Variants in ST3GAL5 observed in about 807,000 individuals in gnomAD.
ST3GAL5 encodes the protein ST3 beta-galactoside alpha-2,3-sialyltransferase 5.
In ST3GAL5, 25 loss-of-function variants were observed where a neutral mutation model predicts 46.1. The observed-to-expected ratio is 0.54, with a 90% CI of 0.40 to 0.76. ST3GAL5 has a LOEUF of 0.76. Ranked by LOEUF, ST3GAL5 falls within the 30% of genes least tolerant of loss-of-function variation. ST3GAL5 has a pLI of 0.00. For missense variants in ST3GAL5, 431 were observed against 521.2 expected, an observed-to-expected ratio of 0.83 and a Z score of 1.69; for synonymous variants, 182 against 192.7, an observed-to-expected ratio of 0.94 and a Z score of 0.46.
chr2:85,888,870 A>G lies in ST3GAL5; in HGVS notation c.36T>C (p.Arg12=), dbSNP rs2104282104. ...RTKAAGCAER[R]PLQPRTEAAA... ...CTGCCTCGGTCCGCGGCTGCAGGGGACGCCGCTCCGCGCAGCCCGCCGCCT... is the reference window on the plus strand; with the variant it reads ...CTGCCTCGGTCCGCGGCTGCAGGGGGCGCCGCTCCGCGCAGCCCGCCGCCT... The change falls in exon 1 of 7, where the codon CGT becomes CGC. Residue 12 remains arginine (R), a synonymous_variant. Transcript: ENST00000638572. 2 of 1,366,452 alleles carry G rather than the reference A, an allele frequency of 1.5e-6. No individual in the cohort carries two copies. The highest frequency in any genetic ancestry group is 1.9e-6 in the Non-Finnish European group (2 of 1,052,430). 84.6% of individuals were successfully genotyped at this position (1,366,452 alleles called of 1,614,324 possible).
intron 1 of ST3GAL5, chr2:85,867,873 G>T (rs1685453577): frequency 1.7e-6 from 1 of 589,004 alleles, no homozygotes; most frequent in Admixed American, 2.4e-5. Context: ...ACTGGGGTTA[G>T]TCAGAAGTCA....
intron 3 of ST3GAL5, chr2:85,855,844 G>A (rs1370349478): frequency 6.6e-6 from 1 of 152,196 alleles, no homozygotes; most frequent in East Asian, 1.9e-4. Flanking sequence ...GAGCACATGG[G>A]AAAGATGCTC....
intron 1 of ST3GAL5, chr2:85,888,568 G>A (rs997057621): frequency 1.9e-5 from 5 of 261,654 alleles, no homozygotes; most frequent in African/African-American, 9.0e-5. Context: ...GGCGGGACCC[G>A]ACACCCGGCG....
chr2:85,881,021 G>C (rs1687091558), intron 1 of ST3GAL5: 1 of 498,714 alleles, frequency 2.0e-6, no homozygotes, highest in African/African-American at 2.0e-5. Context: ...CGTGTTGTGG[G>C]AGGGACCCAG....
intron 1 of ST3GAL5, among the ~76,000 whole-genome samples, chr2:85,869,261 G>T (rs1024768616): frequency 2.0e-5 from 3 of 152,054 alleles, no homozygotes; most frequent in African/African-American, 7.2e-5. Flanking sequence ...GCCCAGGCTG[G>T]TCCCAAACTC....
chr2:85,848,207 G>A lies in ST3GAL5; in HGVS notation c.319-3C>T, dbSNP rs1558654814. On this transcript the variant is annotated splice_region_variant and splice_polypyrimidine_tract_variant and intron_variant, in intron 3 of 6. Transcript: ENST00000638572. ...TGCTGAGCATATTTCTGAGCTCTCTGGAATGAAATCACACCAATCTGGGTT... is the reference window on the plus strand; with the variant it reads ...TGCTGAGCATATTTCTGAGCTCTCTAGAATGAAATCACACCAATCTGGGTT... The A allele has an allele frequency of 6.2e-7, 1 of 1,614,052 alleles. No homozygotes were observed. The highest frequency in any genetic ancestry group is 8.5e-7 in the Non-Finnish European group (1 of 1,179,980).
At chr2:85,862,525 T>C (rs1482126794) in intron 2 of ST3GAL5, among the ~76,000 whole-genome samples, 3 of 151,690 alleles carry the variant, frequency 2.0e-5, no homozygotes, top group Non-Finnish European at 4.4e-5. Flanking sequence ...GAAAAGGGTG[T>C]GAAGGCAAGC....
At chr2:85,878,477 A>AT (rs1558704570) in intron 1 of ST3GAL5, among the ~76,000 whole-genome samples, 1 of 152,194 alleles carries the variant, frequency 6.6e-6, no homozygotes, top group Non-Finnish European at 1.5e-5. Flanking sequence ...TCTCCCAGGA[A>AT]TGATCTATAA....
chr2:85,847,886 G>C lies in ST3GAL5; in HGVS notation c.637C>G (p.Leu213Val), dbSNP rs780251002. ...CTTATCACAACATCGAACTGGTTCAGGGTGTGGCCCAGTTCTAATCCGTGC... is the reference window on the plus strand; with the variant it reads ...CTTATCACAACATCGAACTGGTTCACGGTGTGGCCCAGTTCTAATCCGTGC... The part of the protein sequence containing the change: ...ILHGLELGHT[L>V]NQFDVVIRLN... The change falls in exon 4 of 7, where the codon CTG becomes GTG. Residue 213 changes from leucine (L) to valine (V), a missense_variant. Coordinates refer to ENST00000638572, the MANE Select transcript of ST3GAL5 (RefSeq NM_003896.4). 6 of 1,614,044 alleles carry C rather than the reference G, an allele frequency of 3.7e-6. No individual in the cohort carries two copies. Among genetic ancestry groups the C allele is most frequent in the Non-Finnish European group, 5.1e-6 (6 of 1,180,032 alleles).
chr2:85,885,539 T>C (rs79767540), intron 1 of ST3GAL5, among the ~76,000 whole-genome samples: 9,811 of 152,218 alleles, frequency 0.064, 374 homozygotes, highest in East Asian at 0.12. Flanking sequence ...ATTTCAAAAC[T>C]GGAATAAGGT....
intron 1 of ST3GAL5, among the ~76,000 whole-genome samples, chr2:85,879,998 G>T (rs1686975629): frequency 6.6e-6 from 1 of 152,226 alleles, no homozygotes; most frequent in African/African-American, 2.4e-5. Context: ...TCAGGGAACA[G>T]CTGTCCAGGT....
intron 1 of ST3GAL5, among the ~76,000 whole-genome samples, chr2:85,877,606 C>T (rs6721125): frequency 0.43 from 64,659 of 152,022 alleles, 14,102 homozygotes; most frequent in Admixed American, 0.53. Flanking sequence ...CTTCCACTGT[C>T]GAGTTGACTA....
Position 85,840,191 on chromosome 2 carries a change from C to T in ST3GAL5, c.1210G>A (p.Glu404Lys). The change falls in exon 7 of 7, where the codon GAG becomes AAG. Residue 404 changes from glutamate to lysine, a missense_variant. Coordinates refer to ENST00000638572, the MANE Select transcript of ST3GAL5 (RefSeq NM_003896.4). ...ETKFLLKLVK[E>K]GVVKDLSGGI... ...CCACTGAGATCTTTCACCACTCCCT[C>T]TTTGACCAGCTTTAAGAGGAACTTG... The T allele has an allele frequency of 6.2e-7, 1 of 1,614,204 alleles. No individual in the cohort carries two copies. Among genetic ancestry groups the T allele is most frequent in the East Asian group, 2.2e-5 (1 of 44,886 alleles).
intron 6 of ST3GAL5, 85 bp downstream of exon 6, chr2:85,844,311 T>C: frequency 2.5e-6 from 4 of 1,576,216 alleles, no homozygotes; most frequent in Non-Finnish European, 3.5e-6. Flanking sequence ...GAGATGCTTC[T>C]GGGTATACAG....
intron 6 of ST3GAL5, among the ~76,000 whole-genome samples, chr2:85,841,335 G>GTTT (rs535707010): frequency 2.0e-5 from 3 of 146,640 alleles, no homozygotes; most frequent in African/African-American, 7.5e-5. Flanking sequence ...AGTAAATTTT[G>GTTT]TTTTTTTTTT....
chr2:85,873,807 C>G (rs1686212261), intron 1 of ST3GAL5, among the ~76,000 whole-genome samples: 3 of 152,290 alleles, frequency 2.0e-5, no homozygotes, highest in Admixed American at 6.5e-5. Context: ...AAAAAACAAC[C>G]ACTGGAAGAG....
In ST3GAL5 at chr2:85,840,308, G is replaced by C. The variant is rs775647232; in HGVS notation, c.1093C>G (p.Leu365Val). The change falls in exon 7 of 7, where the codon CTC becomes GTC. Residue 365 changes from leucine to valine, a missense_variant. Coordinates refer to ENST00000638572, the MANE Select transcript of ST3GAL5 (RefSeq NM_003896.4). ...EVSLAGFGYD[L>V]NQPRTPLHYF... Reference sequence around the variant, plus strand: ...TGCAAAGGTGTTCTGGGTTGATTGAGGTCATATCCAAAACCCGCCAAACTG... The same window carrying C: ...TGCAAAGGTGTTCTGGGTTGATTGACGTCATATCCAAAACCCGCCAAACTG... 5.0e-6 allele frequency: 8 copies of C among 1,613,976 alleles called. No individual in the cohort carries two copies. The Admixed American group carries it at 1.3e-4, about 27-fold the overall frequency.
rs1342750564 is a variant in ST3GAL5, at chr2:85,837,679, G to GA, written c.*2464dup. 1.3e-5 allele frequency: 2 copies of GA among 152,044 alleles called. No homozygotes were observed. Among genetic ancestry groups the GA allele is most frequent in the Non-Finnish European group, 2.9e-5 (2 of 68,020 alleles). 9.4% of individuals were successfully genotyped at this position (152,044 alleles called of 1,614,324 possible). A position where few individuals can be genotyped will look rare whatever the true frequency, so the allele number is the denominator to read the frequency against. On this transcript the variant is annotated 3_prime_UTR_variant, in exon 7 of 7. Transcript: ENST00000638572. ...CACAAATGTATTACATTATCACATG[G>GA]ACCCTCAAAATATGCACATCACTAT...
intron 1 of ST3GAL5, among the ~76,000 whole-genome samples, chr2:85,885,128 C>T (rs887356717): frequency 2.0e-5 from 3 of 152,330 alleles, no homozygotes; most frequent in African/African-American, 7.2e-5. Flanking sequence ...AAGAAATGGG[C>T]TTTTCCTCTA....
Sources: allele counts gnomAD v4.1 joint callset (sites outside exome capture counted in the v4.1 genomes callset), GRCh38; gene constraint gnomAD v4.1.1; transcripts MANE v1.5; gene names NCBI Gene and HGNC (gene_info 2026-07-23, HGNC 2026-07-21).